Variants in SLCO1A2 observed in about 807,000 individuals in gnomAD.
The protein encoded by SLCO1A2 is solute carrier organic anion transporter family member 1A2.
Under a neutral mutation model 69.0 loss-of-function variants are expected in SLCO1A2, and 67 were observed. The observed-to-expected ratio is 0.97, with a 90% CI of 0.80 to 1.19. The LOEUF is 1.19. SLCO1A2 is among the 50% of genes most tolerant of loss of function. The probability of loss-of-function intolerance (pLI) is 0.00; values close to 1 mark genes in which losing one functional copy is unlikely to be tolerated. For synonymous variants in SLCO1A2, 260 were observed against 265.9 expected (o/e 0.98, Z 0.22); for missense variants, 787 against 793.7 (o/e 0.99, Z 0.10).
chr12:21,300,490 G>A lies in SLCO1A2; in HGVS notation c.768C>T (p.Asn256=), dbSNP rs11568554. The stretch of plus-strand genomic sequence containing the variant: ...AGAAAAAAGGAATGGCAGTGAGCAC[G>A]TTAACTCCTGCACAAATCAGAAAGC... The part of the protein sequence containing the change: ...WFGFLICAGV[N]VLTAIPFFFL... Residue 256 remains asparagine (N), a synonymous_variant, in exon 8 of 15, where the codon AAC becomes AAT. Transcript: ENST00000683939. 2.4e-3 allele frequency: 3,836 copies of A among 1,613,398 alleles called. 86 individuals carry two copies. The African/African-American group carries it at 0.044, about 19-fold the overall frequency.
At chr12:21,333,000 A>G (rs1952707141) in intron 2 of SLCO1A2, among the ~76,000 whole-genome samples, 2 of 152,138 alleles carry the variant, frequency 1.3e-5, no homozygotes, top group African/African-American at 2.4e-5. Context: ...CTGATTGACT[A>G]CAGCATAGTA....
At chr12:21,354,221 A>C (rs1052557861) in intron 2 of SLCO1A2, among the ~76,000 whole-genome samples, 2 of 152,178 alleles carry the variant, frequency 1.3e-5, no homozygotes, top group African/African-American at 4.8e-5. Context: ...TCCTCTGCGG[A>C]CACTGTGCCG....
At chr12:21,290,512 T>G (rs1236176560) in intron 12 of SLCO1A2, among the ~76,000 whole-genome samples, 1 of 152,088 alleles carries the variant, frequency 6.6e-6, no homozygotes, top group Non-Finnish European at 1.5e-5. Flanking sequence ...GACTCACTAA[T>G]TATAAAAACT....
At chr12:21,311,380 G>T (rs894945681) in intron 4 of SLCO1A2, among the ~76,000 whole-genome samples, 7 of 151,926 alleles carry the variant, frequency 4.6e-5, no homozygotes, top group Non-Finnish European at 8.8e-5. Flanking sequence ...TTTCGAGAAG[G>T]TTTTCAATTT....
intron 2 of SLCO1A2, among the ~76,000 whole-genome samples, chr12:21,358,150 A>G (rs1938522612): frequency 6.6e-6 from 1 of 152,234 alleles, no homozygotes; most frequent in South Asian, 2.1e-4. Context: ...TCTGTGCTAC[A>G]TTTTAAAGGA....
chr12:21,288,171 A>ATAGC (rs1946259677), intron 12 of SLCO1A2, among the ~76,000 whole-genome samples: 2 of 152,218 alleles, frequency 1.3e-5, no homozygotes, highest in East Asian at 3.9e-4. Context: ...GCTGGGCACG[A>ATAGC]TAGCTCATGC....
intron 10 of SLCO1A2, chr12:21,294,532 T>C (rs1345957977): frequency 6.6e-6 from 1 of 152,534 alleles, no homozygotes; most frequent in African/African-American, 2.4e-5. Context: ...TCCAGAAACA[T>C]AGGTATTTGA....
intron 10 of SLCO1A2, 99 bp from the exon 11 acceptor site, chr12:21,294,209 A>G (rs1434553648): frequency 2.1e-6 from 2 of 954,756 alleles, no homozygotes; most frequent in African/African-American, 3.4e-5. Context: ...CTCTCCTCCC[A>G]TGAATAGAAA....
intron 1 of SLCO1A2, among the ~76,000 whole-genome samples, chr12:21,385,625 T>C (rs1940839818): frequency 6.6e-6 from 1 of 152,200 alleles, no homozygotes. Flanking sequence ...CCTATTACCG[T>C]ACAATGTCTC....
Position 21,275,381 on chromosome 12 carries a change from T to C in SLCO1A2, c.1654A>G (p.Thr552Ala), listed in dbSNP as rs768704765. Residue 552 changes from threonine to alanine, a missense_variant, in exon 13 of 15, where the codon ACA (threonine) becomes GCA (alanine). Transcript: ENST00000683939. ...EEKSLGVGLH[T>A]FCTRVFAGIP... ...TTACCAAATACTCTTGTGCAAAATGTATGTAATCCCACACCAAGGGACTTC... is the reference window on the plus strand; with the variant it reads ...TTACCAAATACTCTTGTGCAAAATGCATGTAATCCCACACCAAGGGACTTC... 7.1e-6 allele frequency: 11 copies of C among 1,560,038 alleles called. No individual in the cohort carries two copies. Among genetic ancestry groups the C allele is most frequent in the Non-Finnish European group, 9.6e-6 (11 of 1,144,138 alleles).
intron 1 of SLCO1A2, among the ~76,000 whole-genome samples, chr12:21,404,784 T>C (rs1384862464): frequency 1.3e-5 from 2 of 152,230 alleles, no homozygotes; most frequent in African/African-American, 4.8e-5. Context: ...ATAGTATTTC[T>C]GGTTCTAGAT....
At chr12:21,380,643 A>G (rs1350104963) in intron 1 of SLCO1A2, among the ~76,000 whole-genome samples, 1 of 152,192 alleles carries the variant, frequency 6.6e-6, no homozygotes, top group Non-Finnish European at 1.5e-5. Context: ...CTGGTTTCTC[A>G]CAACTACTTT....
rs1387526127 is a variant in SLCO1A2, at chr12:21,299,831, CAT to C, written c.910+515_910+516del. Among the ~76,000 whole-genome samples, 172 of 140,972 alleles carry C rather than the reference CAT, an allele frequency of 1.2e-3. 3 individuals are homozygous for C. Among genetic ancestry groups the C allele is most frequent in the Admixed American group, 3.6e-3 (50 of 14,018 alleles). 92.5% of individuals were successfully genotyped at this position (140,972 alleles called of 152,430 possible). A position where few individuals can be genotyped will look rare whatever the true frequency, so the allele number is the denominator to read the frequency against. On this transcript the variant is annotated intron_variant, in intron 8 of 14. Transcript: ENST00000683939. ...ATATACACACACACATATACACACA[CAT>C]ATATGTGTATATATATACGTGTATA...
chr12:21,298,312 T>G (rs4522218), intron 8 of SLCO1A2, among the ~76,000 whole-genome samples: 3,923 of 152,104 alleles, frequency 0.026, 168 homozygotes, highest in African/African-American at 0.09. Flanking sequence ...CTAGTAATGT[T>G]TGGCCTGCTT....
chr12:21,279,605 T>C (rs1004274250), intron 12 of SLCO1A2, among the ~76,000 whole-genome samples: 1 of 152,148 alleles, frequency 6.6e-6, no homozygotes, highest in African/African-American at 2.4e-5. Context: ...GGTGAAAATA[T>C]CCTCCAAACA....
rs113131048 is a variant in SLCO1A2 at position 21,369,527 on chromosome 12, A to G, written c.-63+4872T>C. ...TCTTTGAATCTCAGTTTCACTATCT[A>G]TAAATTAGAGCAGATGATAACCACC... is the stretch of plus-strand genomic sequence containing the variant. On this transcript the variant is annotated intron_variant, in intron 2 of 15. Transcript: ENST00000307378. Among the ~76,000 whole-genome samples, 440 of 152,338 alleles carry G rather than the reference A, an allele frequency of 2.9e-3. 2 individuals are homozygous for G. Among genetic ancestry groups the G allele is most frequent in the African/African-American group, 0.01 (416 of 41,582 alleles).
intron 2 of SLCO1A2, among the ~76,000 whole-genome samples, chr12:21,349,803 T>C (rs1018716195): frequency 1.1e-4 from 16 of 152,180 alleles, no homozygotes; most frequent in African/African-American, 3.9e-4. Flanking sequence ...CTTCAATTCA[T>C]CTGTAAGTGC....
intron 1 of SLCO1A2, 51 bp downstream of exon 1, chr12:21,334,776 A>G: frequency 1.5e-6 from 1 of 686,728 alleles, no homozygotes; most frequent in Non-Finnish European, 2.4e-6. Flanking sequence ...CTTTTGAAGT[A>G]AGTGCTGAAA....
intron 3 of SLCO1A2, among the ~76,000 whole-genome samples, chr12:21,316,848 C>A (rs1950932264): frequency 6.6e-6 from 1 of 152,158 alleles, no homozygotes; most frequent in African/African-American, 2.4e-5. Context: ...CACATGACTG[C>A]AATGTGAACA....
Sources: gnomAD v4.1 joint callset for allele counts (sites outside exome capture counted in the v4.1 genomes callset) on GRCh38, gnomAD v4.1.1 for gene constraint, MANE v1.5 for transcripts, NCBI Gene and HGNC (gene_info 2026-07-23, HGNC 2026-07-21) for gene names.